The following AMZ1 variants were observed in gnomAD, a reference collection of about 807,000 sequenced individuals.
The protein encoded by AMZ1 is archaelysin family metallopeptidase 1, also known as archaemetzincin-1.
In AMZ1, 39 loss-of-function variants were observed where a neutral mutation model predicts 29.9. The ratio of observed to expected loss-of-function variants is 1.30; its 90% CI spans 1.01 to 1.70. The LOEUF is 1.70. Among genes scored for constraint, AMZ1 ranks in the 40% most tolerant of loss-of-function variants. The pLI, the probability that AMZ1 is intolerant of heterozygous loss-of-function variation, is 0.00. For missense variants in AMZ1, 1,041 were observed against 680.6 expected (o/e 1.53, Z -5.89); for synonymous variants, 458 against 304.0 (o/e 1.51, Z -5.27).
At position 2,731,085 on chromosome 7, in the gene AMZ1, A is replaced by C; in HGVS notation, n.550+21269A>C. On this transcript the variant is annotated intron_variant and non_coding_transcript_variant, in intron 4 of 4. Coordinates refer to the AMZ1 transcript ENST00000489665. The surrounding 1 kb of genome is among the most constrained non-coding windows in gnomAD (Gnocchi z 6.0). ...GGTATTCCAGGGCACGGATCCGAGA[A>C]ACCCACTCAAGGACCACACAGACAA... is the stretch of plus-strand genomic sequence containing the variant. 1 of 804,856 alleles carries C rather than the reference A, an allele frequency of 1.2e-6. No individual in the cohort carries two copies. Among genetic ancestry groups the C allele is most frequent in the Admixed American group, 2.4e-5 (1 of 41,586 alleles). 49.9% of individuals were successfully genotyped at this position (804,856 alleles called of 1,614,324 possible).
intron 4 of AMZ1, among the ~76,000 whole-genome samples, chr7:2,737,306 T>TTTTTA (rs1790256692): frequency 7.8e-6 from 1 of 127,546 alleles, no homozygotes; most frequent in Non-Finnish European, 1.6e-5. Context: ...TTTTTTTTTT[T>TTTTTA]GAGATGGAGT....
At chr7:2,757,456 A>G (rs1236593896) in intron 4 of AMZ1, among the ~76,000 whole-genome samples, 1 of 152,150 alleles carries the variant, frequency 6.6e-6, no homozygotes, top group African/African-American at 2.4e-5. Context: ...GCTGCCAGCT[A>G]GTAAGAAAAT....
At chr7:2,726,190 T>C (rs1463515911) in intron 4 of AMZ1, among the ~76,000 whole-genome samples, 1 of 152,172 alleles carries the variant, frequency 6.6e-6, no homozygotes, top group Non-Finnish European at 1.5e-5. Flanking sequence ...TGAGGAAAGA[T>C]TAGCAAGGAT....
chr7:2,694,618 A>G (rs982204213), intron 1 of AMZ1, among the ~76,000 whole-genome samples: 12 of 151,620 alleles, frequency 7.9e-5, no homozygotes, highest in Non-Finnish European at 1.5e-4. Flanking sequence ...ATGTGAGATT[A>G]TATTACATTA....
intron 1 of AMZ1, among the ~76,000 whole-genome samples, chr7:2,681,432 A>G (rs956784349): frequency 7.3e-5 from 11 of 151,260 alleles, no homozygotes; most frequent in African/African-American, 2.7e-4. Context: ...ATTTTTTTTT[A>G]ATTTTTGTAG....
At chr7:2,753,212 C>T (rs749793102) in intron 4 of AMZ1, among the ~76,000 whole-genome samples, 2 of 152,050 alleles carry the variant, frequency 1.3e-5, no homozygotes, top group Middle Eastern at 3.4e-3. Context: ...TGGAATGCAG[C>T]GGCATGATCA....
At chr7:2,701,607 C>T (rs1381476014) in intron 2 of AMZ1, among the ~76,000 whole-genome samples, 1 of 152,212 alleles carries the variant, frequency 6.6e-6, no homozygotes, top group East Asian at 1.9e-4. Flanking sequence ...CTCTGTGCCT[C>T]TCACATGCCA....
chr7:2,709,687 C>A lies in AMZ1; in HGVS notation c.819C>A (p.Arg273=). 14 of 1,610,834 alleles carry A rather than the reference C, an allele frequency of 8.7e-6. No homozygotes were observed. The highest frequency in any genetic ancestry group is 1.2e-5 in the Non-Finnish European group (14 of 1,179,734). Reference sequence around the variant, plus strand: ...ACCTTCTGGGCCTGGGGAACTGCCGCTGGCTCCGCTGCCTCATGCAGGGTG... The same window carrying A: ...ACCTTCTGGGCCTGGGGAACTGCCGATGGCTCCGCTGCCTCATGCAGGGTG... The part of the protein sequence containing the change: ...LCHLLGLGNC[R]WLRCLMQGAL... Residue 273 remains arginine (R), a synonymous_variant, in exon 6 of 7, where the codon CGC becomes CGA. Transcript: ENST00000683327.
intron 1 of AMZ1, among the ~76,000 whole-genome samples, chr7:2,694,699 G>A (rs1226446388): frequency 1.3e-5 from 2 of 150,564 alleles, no homozygotes; most frequent in East Asian, 3.9e-4. Context: ...TTGAGATGGA[G>A]TCTCGCTCTG....
rs66846250 is a variant in AMZ1 at position 2,719,024 on chromosome 7, TC to T, written c.*6153del. ...AACAGGCGACTTTTTTTTTTTTTTT[TC>T]CCCCCCATCTGAAGTGAGATCAAAC... On this transcript the variant is annotated 3_prime_UTR_variant, in exon 7 of 7. Transcript: ENST00000683327. 0.32 allele frequency among the ~76,000 whole-genome samples: 45,415 copies of T among 141,966 alleles called. 8,208 individuals carry two copies. Among genetic ancestry groups the T allele is most frequent in the African/African-American group, 0.51 (19,516 of 38,070 alleles). 93.1% of individuals were successfully genotyped at this position (141,966 alleles called of 152,430 possible).
exon 1 of AMZ1, chr7:2,764,805 C>A (rs1791736382): frequency 6.6e-6 from 1 of 152,230 alleles, no homozygotes; most frequent in Non-Finnish European, 1.5e-5. Flanking sequence ...CCGGCGGACC[C>A]TGAAGGGAAC....
chr7:2,685,045 A>ATT (rs1351571219), upstream of AMZ1, among the ~76,000 whole-genome samples: 4 of 151,384 alleles, frequency 2.6e-5, no homozygotes, highest in African/African-American at 9.7e-5. Flanking sequence ...AATTTTTTGT[A>ATT]TCTTTAGTAA....
At chr7:2,721,910 C>T (rs1342304868), downstream of AMZ1, among the ~76,000 whole-genome samples, 1 of 152,198 alleles carries the variant, frequency 6.6e-6, no homozygotes, top group Non-Finnish European at 1.5e-5. Context: ...TATATTTTTA[C>T]ACTTTATCAT....
intron 4 of AMZ1, among the ~76,000 whole-genome samples, chr7:2,758,370 A>G (rs114710241): frequency 6.6e-6 from 1 of 152,172 alleles, no homozygotes; most frequent in Non-Finnish European, 1.5e-5. Flanking sequence ...AAAAGCTCCA[A>G]TGCAGGCTTG....
upstream of AMZ1, among the ~76,000 whole-genome samples, chr7:2,764,275 A>G (rs997463189): frequency 6.2e-5 from 9 of 145,436 alleles, no homozygotes; most frequent in Non-Finnish European, 9.0e-5. Flanking sequence ...TAAAGATGGG[A>G]TCTCACTATG....
chr7:2,751,587 T>A (rs1048685718), intron 4 of AMZ1, among the ~76,000 whole-genome samples: 1 of 152,084 alleles, frequency 6.6e-6, no homozygotes, highest in African/African-American at 2.4e-5. Context: ...CAAGGCCAAA[T>A]GTTGGTTCTT....
At chr7:2,699,518 G>T (rs1002609149) in intron 1 of AMZ1, among the ~76,000 whole-genome samples, 1 of 149,400 alleles carries the variant, frequency 6.7e-6, no homozygotes, top group Non-Finnish European at 1.5e-5. Flanking sequence ...TGCTGTTGGG[G>T]CTGCGTACCC....
rs185027107 is a variant in AMZ1, at chr7:2,715,932, C to T, written c.*3054C>T. 1.7e-4 allele frequency: 26 copies of T among 151,848 alleles called. No individual in the cohort carries two copies. Among genetic ancestry groups the T allele is most frequent in the East Asian group, 1.3e-3 (7 of 5,186 alleles). 9.4% of individuals were successfully genotyped at this position (151,848 alleles called of 1,614,324 possible). ...CCACGGTTCTTTCAGTTTTTAAACACGTGCAAAGTCCACTGAATTGCTTTC... is the reference window on the plus strand; with the variant it reads ...CCACGGTTCTTTCAGTTTTTAAACATGTGCAAAGTCCACTGAATTGCTTTC... On this transcript the variant is annotated 3_prime_UTR_variant, in exon 7 of 7. Transcript: ENST00000683327.
At chr7:2,695,553 A>C (rs1349574633) in intron 1 of AMZ1, among the ~76,000 whole-genome samples, 3 of 87,908 alleles carry the variant, frequency 3.4e-5, no homozygotes, top group Non-Finnish European at 6.8e-5. Flanking sequence ...TCTTCTCTAC[A>C]AAAAAAAAAA....
Sources: gnomAD v4.1 joint callset for allele counts (sites outside exome capture counted in the v4.1 genomes callset) on GRCh38, gnomAD v4.1.1 for gene constraint, Gnocchi (gnomAD v3.1) non-coding constraint, MANE v1.5 for transcripts, NCBI Gene and HGNC (gene_info 2026-07-23, HGNC 2026-07-21) for gene names.